Variants in SSBP2 observed in about 807,000 individuals in gnomAD.
SSBP2 encodes the protein single stranded DNA binding protein 2.
Under a neutral mutation model 61.8 loss-of-function variants are expected in SSBP2, and 17 were observed. The ratio of observed to expected loss-of-function variants is 0.28; its 90% CI spans 0.19 to 0.41. The LOEUF (loss-of-function observed/expected upper bound fraction) is 0.41, where lower values mean the gene tolerates loss of function less well. SSBP2 is among the 10% of genes least tolerant of loss of function. SSBP2 has a pLI of 1.00. For missense variants in SSBP2, 310 were observed against 458.7 expected, an observed-to-expected ratio of 0.68 and a Z score of 2.96; for synonymous variants, 139 against 141.3, an observed-to-expected ratio of 0.98 and a Z score of 0.12.
At chr5:81,623,461 G>C (rs1018148582) in intron 3 of SSBP2, among the ~76,000 whole-genome samples, 26 of 149,456 alleles carry the variant, frequency 1.7e-4, no homozygotes, top group Non-Finnish European at 3.1e-4. Flanking sequence ...TCAGCCTCCC[G>C]AGTAGCTGGG....
chr5:81,559,392 A>C (rs1166438543), intron 4 of SSBP2, among the ~76,000 whole-genome samples: 3 of 150,906 alleles, frequency 2.0e-5, no homozygotes, highest in African/African-American at 7.3e-5. Context: ...ATCAAAAAAA[A>C]AAAAAAAAAA....
intron 6 of SSBP2, among the ~76,000 whole-genome samples, chr5:81,487,593 T>C (rs922548579): frequency 6.6e-6 from 1 of 152,070 alleles, no homozygotes; most frequent in African/African-American, 2.4e-5. Flanking sequence ...TTGCTATTCT[T>C]TTTTTAATAT....
intron 1 of SSBP2, among the ~76,000 whole-genome samples, chr5:81,724,935 G>A (rs1755776025): frequency 6.6e-6 from 1 of 152,062 alleles, no homozygotes; most frequent in Non-Finnish European, 1.5e-5. Context: ...AATGGACAAA[G>A]GATATAAATA....
intron 1 of SSBP2, among the ~76,000 whole-genome samples, chr5:81,705,892 G>A (rs547918582): frequency 6.6e-6 from 1 of 152,288 alleles, no homozygotes; most frequent in African/African-American, 2.4e-5. Context: ...ATACACTGTT[G>A]GTGGGAATGT....
At chr5:81,679,722 T>C (rs1247296133) in intron 1 of SSBP2, among the ~76,000 whole-genome samples, 1 of 152,146 alleles carries the variant, frequency 6.6e-6, no homozygotes, top group Non-Finnish European at 1.5e-5. Context: ...GTAATAAATA[T>C]GGTAAATATT....
chr5:81,730,582 G>A (rs907578884), intron 1 of SSBP2, among the ~76,000 whole-genome samples: 1 of 152,166 alleles, frequency 6.6e-6, no homozygotes, highest in Non-Finnish European at 1.5e-5. Context: ...AGTTTTACTT[G>A]AGCTTCAGCG....
At chr5:81,442,978 A>G (rs1020776858) in intron 12 of SSBP2, 1 of 263,012 alleles carries the variant, frequency 3.8e-6, no homozygotes, top group Non-Finnish European at 7.1e-6. Context: ...TTAAAAAATT[A>G]TAGTAAAGTT....
intron 1 of SSBP2, among the ~76,000 whole-genome samples, chr5:81,680,400 C>T (rs1018750187): frequency 2.0e-5 from 3 of 149,322 alleles, no homozygotes; most frequent in African/African-American, 7.3e-5. Context: ...GGTTCTGTTT[C>T]TTGGAGAACT....
chr5:81,626,260 T>C (rs1747127894), intron 3 of SSBP2, among the ~76,000 whole-genome samples: 1 of 152,264 alleles, frequency 6.6e-6, no homozygotes, highest in South Asian at 2.1e-4. Context: ...AATCAATTTC[T>C]ATTTTAAAAT....
At chr5:81,538,293 C>CTT (rs1770975090) in intron 4 of SSBP2, among the ~76,000 whole-genome samples, 2 of 152,212 alleles carry the variant, frequency 1.3e-5, no homozygotes, top group Non-Finnish European at 2.9e-5. Context: ...AAGCCGAATA[C>CTT]AGAGCAAGGC....
chr5:81,726,357 T>C (rs1015713687), intron 1 of SSBP2, among the ~76,000 whole-genome samples: 1 of 152,094 alleles, frequency 6.6e-6, no homozygotes, highest in African/African-American at 2.4e-5. Flanking sequence ...ATCTCTGGGA[T>C]CAGGCCAAAG....
intron 4 of SSBP2, among the ~76,000 whole-genome samples, chr5:81,585,848 C>T (rs536724594): frequency 1.3e-5 from 2 of 152,276 alleles, no homozygotes; most frequent in East Asian, 1.9e-4. Flanking sequence ...CACCATTCTA[C>T]TCTCCATTTC....
chr5:81,538,965 T>C (rs1771027199), intron 4 of SSBP2, among the ~76,000 whole-genome samples: 1 of 152,226 alleles, frequency 6.6e-6, no homozygotes, highest in Admixed American at 6.5e-5. Flanking sequence ...CCATGGATCA[T>C]GGCGTAACTT....
chr5:81,537,914 C>T (rs2972236), intron 4 of SSBP2, among the ~76,000 whole-genome samples: 34,482 of 152,034 alleles, frequency 0.23, 5,010 homozygotes, highest in Middle Eastern at 0.37. Context: ...AAGTTGCACT[C>T]TCCCATTTTA....
chr5:81,669,844 G>A (rs1200928952), intron 1 of SSBP2, among the ~76,000 whole-genome samples: 1 of 151,920 alleles, frequency 6.6e-6, no homozygotes, highest in Non-Finnish European at 1.5e-5. Flanking sequence ...AAAGAAATGA[G>A]CTATCAAGGT....
chr5:81,524,768 C>T (rs1441639506), intron 4 of SSBP2, among the ~76,000 whole-genome samples: 12 of 151,932 alleles, frequency 7.9e-5, no homozygotes, highest in African/African-American at 2.9e-4. Flanking sequence ...AGTTTTTTCC[C>T]TTCCACAGTT....
intron 6 of SSBP2, among the ~76,000 whole-genome samples, chr5:81,482,873 C>G (rs556050923): frequency 6.6e-6 from 1 of 152,166 alleles, no homozygotes; most frequent in Non-Finnish European, 1.5e-5. Flanking sequence ...TTTTGACATG[C>G]CTTCCTCACT....
At chr5:81,473,550 G>C (rs2396170) in intron 8 of SSBP2, 150 bp downstream of exon 8, 228,926 of 653,126 alleles carry the variant, frequency 0.35, 48,277 homozygotes, top group African/African-American at 0.82. Flanking sequence ...TCATCCATGT[G>C]CCTGCAAAGG....
At chr5:81,465,207 A>G (rs930432597) in intron 9 of SSBP2, among the ~76,000 whole-genome samples, 4 of 152,040 alleles carry the variant, frequency 2.6e-5, no homozygotes, top group African/African-American at 9.7e-5. Flanking sequence ...TAAGGCTTAA[A>G]GGTTCTTTAC....
Sources: allele counts gnomAD v4.1 joint callset (sites outside exome capture counted in the v4.1 genomes callset), GRCh38; gene constraint gnomAD v4.1.1; transcripts MANE v1.5; gene names NCBI Gene and HGNC (gene_info 2026-07-23, HGNC 2026-07-21).